The following LGR5 variants were observed in gnomAD, a reference collection of about 807,000 sequenced individuals.
The protein encoded by LGR5 is leucine-rich repeat-containing G protein-coupled receptor 5.
LGR5 carries 54 observed loss-of-function variants against 76.7 expected under a neutral mutation model. The ratio of observed to expected loss-of-function variants is 0.70; its 90% CI spans 0.57 to 0.88. The LOEUF (loss-of-function observed/expected upper bound fraction) is 0.88. LGR5 is among the 40% of genes least tolerant of loss of function. The pLI is 0.00. For missense variants in LGR5, 1,078 were observed against 1,073.3 expected, an observed-to-expected ratio of 1.00 and a Z score of -0.06; for synonymous variants, 406 against 421.9, an observed-to-expected ratio of 0.96 and a Z score of 0.46.
At chr12:71,567,248 A>G in intron 11 of LGR5, 1 of 277,576 alleles carries the variant, frequency 3.6e-6, no homozygotes, top group South Asian at 4.8e-5. Context: ...AACATAATGG[A>G]TCAACCACCC....
At chr12:71,535,291 C>A in intron 4 of LGR5, 105 bp downstream of exon 4, 1 of 745,824 alleles carries the variant, frequency 1.3e-6, no homozygotes. Flanking sequence ...GGAGTCATAC[C>A]TAAATGTATT....
At chr12:71,522,886 C>G (rs1385093463) in intron 2 of LGR5, among the ~76,000 whole-genome samples, 2 of 152,176 alleles carry the variant, frequency 1.3e-5, no homozygotes, top group African/African-American at 4.8e-5. Flanking sequence ...CAAAGCTCAG[C>G]AATATTAACT....
chr12:71,553,134 C>T lies in LGR5; in HGVS notation c.490C>T (p.Leu164=). ...AAGCTGTTTCAGTGGCCTGCATTCC[C>T]TGAGGCACCTGTGGCTGGATGACAA... The part of the protein sequence containing the change: ...PPSCFSGLHS[L]RHLWLDDNAL... The change falls in exon 5 of 18, where the codon CTG becomes TTG. Residue 164 remains leucine (L), a synonymous_variant. Transcript: ENST00000266674. 6.2e-7 allele frequency: 1 copy of T among 1,614,030 alleles called. No homozygotes were observed. The highest frequency in any genetic ancestry group is 1.1e-5 in the South Asian group (1 of 91,074).
chr12:71,496,357 G>A (rs1304807951), intron 1 of LGR5, among the ~76,000 whole-genome samples: 1 of 108,734 alleles, frequency 9.2e-6, no homozygotes, highest in East Asian at 2.8e-4. Context: ...AACAGAGGAA[G>A]ACTCCATCTC....
chr12:71,539,753 C>T (rs1304717094), intron 4 of LGR5, among the ~76,000 whole-genome samples: 2 of 152,156 alleles, frequency 1.3e-5, no homozygotes, highest in East Asian at 1.9e-4. Context: ...GCCGGGATTA[C>T]AGGAGTGAGC....
chr12:71,584,683 A>G lies in LGR5; in HGVS notation c.2673A>G (p.Pro891=), dbSNP rs1404319964. 6.8e-6 allele frequency: 11 copies of G among 1,613,608 alleles called. No individual in the cohort carries two copies. The East Asian group carries it at 2.2e-4, about 33-fold the overall frequency. ...PPSSVPSPAY[P]VTESCHLSSV... ...GTTCCGTGCCATCACCAGCTTATCC[A>G]GTGACTGAGAGCTGCCATCTTTCCT... The change falls in exon 18 of 18, where the codon CCA becomes CCG. Residue 891 remains proline, a synonymous_variant. Transcript: ENST00000266674.
chr12:71,498,742 T>C (rs1173345373), intron 1 of LGR5, among the ~76,000 whole-genome samples: 1 of 152,330 alleles, frequency 6.6e-6, no homozygotes, highest in Non-Finnish European at 1.5e-5. Flanking sequence ...TGCTGTATTA[T>C]GCTAAAGGGG....
In LGR5 at chr12:71,474,342, A is replaced by G. The variant is rs550613735; in HGVS notation, c.213-30272A>G. Among the ~76,000 whole-genome samples the G allele has an allele frequency of 3.3e-4, 51 of 152,338 alleles. 2 individuals are homozygous for G. The South Asian group carries it at 0.01, about 30-fold the overall frequency. On this transcript the variant is annotated intron_variant, in intron 1 of 17. Coordinates refer to ENST00000266674, the MANE Select transcript of LGR5 (RefSeq NM_003667.4). ...TTTCAAAAGTTGCTCCCGAGCAGGTACTGGTGTTTATAAGATGGTGACCAT... is the reference window on the plus strand; with the variant it reads ...TTTCAAAAGTTGCTCCCGAGCAGGTGCTGGTGTTTATAAGATGGTGACCAT...
chr12:71,557,291 A>G (rs1320095509), intron 6 of LGR5, among the ~76,000 whole-genome samples: 1 of 152,226 alleles, frequency 6.6e-6, no homozygotes, highest in Non-Finnish European at 1.5e-5. Context: ...TCTCAAAAAA[A>G]GAAAAAAGAG....
chr12:71,544,676 A>C (rs1877065022), intron 4 of LGR5, among the ~76,000 whole-genome samples: 2 of 152,122 alleles, frequency 1.3e-5, no homozygotes, highest in Non-Finnish European at 2.9e-5. Flanking sequence ...GTTCTGTGAC[A>C]AATTTAGCTC....
Position 71,440,373 on chromosome 12 carries a change from C to T in LGR5, c.212+81C>T, listed in dbSNP as rs375498019. The T allele has an allele frequency of 2.4e-5, 32 of 1,360,854 alleles. No individual in the cohort carries two copies. In the African/African-American group the frequency reaches 2.8e-4, roughly 12 times the overall value. The allele number at this position is 1,360,854 out of a possible 1,614,324, so 84.3% of individuals were successfully genotyped here. On this transcript the variant is annotated intron_variant, in intron 1 of 17. Transcript: ENST00000266674. This position sits in a 1 kb window ranked among gnomAD's most constrained non-coding sequence, Gnocchi z 5.3. ...GTCCAAGGCGAGGCTGGAGGCTCCT[C>T]GGCGCCCGCCTGCTCGTGGGGGAGG...
intron 1 of LGR5, among the ~76,000 whole-genome samples, chr12:71,461,106 A>G (rs1409257543): frequency 4.6e-5 from 7 of 152,202 alleles, no homozygotes; most frequent in African/African-American, 1.7e-4. Context: ...CACAGCAGCC[A>G]GAAACCACAG....
chr12:71,526,466 C>G (rs1279411280), intron 3 of LGR5, among the ~76,000 whole-genome samples: 3 of 152,106 alleles, frequency 2.0e-5, no homozygotes, highest in African/African-American at 7.2e-5. Flanking sequence ...TAGACCCTCT[C>G]TTTTATCCAC....
At chr12:71,553,367 C>A in intron 5 of LGR5, 79 bp downstream of exon 5, 1 of 1,212,772 alleles carries the variant, frequency 8.2e-7, no homozygotes, top group Non-Finnish European at 1.2e-6. Flanking sequence ...GCTGGCTCTT[C>A]AAAGCTCAAA....
intron 1 of LGR5, among the ~76,000 whole-genome samples, chr12:71,451,538 G>A (rs1257006061): frequency 6.6e-6 from 1 of 152,064 alleles, no homozygotes; most frequent in Admixed American, 6.6e-5. Flanking sequence ...TCCATACTCA[G>A]CTCAAATGTC....
intron 16 of LGR5, among the ~76,000 whole-genome samples, 199 bp downstream of exon 16, chr12:71,580,622 C>A (rs1879050824): frequency 6.6e-6 from 1 of 151,970 alleles, no homozygotes; most frequent in African/African-American, 2.4e-5. Flanking sequence ...ATGGTGAAAC[C>A]CCTATCTCTG....
intron 1 of LGR5, among the ~76,000 whole-genome samples, chr12:71,461,960 T>C (rs946043621): frequency 6.6e-6 from 1 of 152,186 alleles, no homozygotes; most frequent in African/African-American, 2.4e-5. Context: ...GGGTGTGAAT[T>C]TGGCCATGGT....
Position 71,504,686 on chromosome 12 carries a change from G to GT in LGR5, c.284+2dup. The GT allele has an allele frequency of 6.2e-7, 1 of 1,609,878 alleles. No individual in the cohort carries two copies. Among genetic ancestry groups the GT allele is most frequent in the African/African-American group, 1.3e-5 (1 of 74,958 alleles). ...CCAGTCTCCGCTTCCTGGAGGAGTT[G>GT]TAAGTATCACTGTAGTCTTGATGCA... On this transcript the variant is annotated splice_donor_variant, in intron 2 of 17. Coordinates refer to ENST00000266674, the MANE Select transcript of LGR5 (RefSeq NM_003667.4). LOFTEE classifies it high-confidence loss of function.
chr12:71,460,134 G>T (rs1357729180), intron 1 of LGR5, among the ~76,000 whole-genome samples: 2 of 152,050 alleles, frequency 1.3e-5, no homozygotes, highest in Non-Finnish European at 2.9e-5. Context: ...TCACCTAGAG[G>T]GATGGGGCAT....
Sources: gnomAD v4.1 joint callset for allele counts (sites outside exome capture counted in the v4.1 genomes callset) on GRCh38, gnomAD v4.1.1 for gene constraint, Gnocchi (gnomAD v3.1) non-coding constraint, MANE v1.5 for transcripts, NCBI Gene and HGNC (gene_info 2026-07-23, HGNC 2026-07-21) for gene names.